Variants in VIT observed in about 807,000 individuals in gnomAD.
VIT encodes the protein vitrin.
Under a neutral mutation model 78.0 loss-of-function variants are expected in VIT, and 99 were observed. That is an observed-to-expected ratio of 1.27 (90% CI 1.08 to 1.50). The LOEUF (loss-of-function observed/expected upper bound fraction) is 1.50. Among genes scored for constraint, VIT ranks in the 40% most tolerant of loss-of-function variants. The pLI is 0.00. For missense variants in VIT, 1,126 were observed against 875.3 expected (o/e 1.29, Z -3.61); for synonymous variants, 374 against 334.3 (o/e 1.12, Z -1.29).
intron 3 of VIT, among the ~76,000 whole-genome samples, chr2:36,737,299 G>C (rs1042715838): frequency 3.3e-5 from 5 of 152,162 alleles, no homozygotes; most frequent in African/African-American, 9.7e-5. Flanking sequence ...GAGGAGTCAC[G>C]GAAATGCAGC....
intron 11 of VIT, among the ~76,000 whole-genome samples, chr2:36,786,857 C>G (rs546253603): frequency 1.3e-5 from 2 of 152,332 alleles, no homozygotes; most frequent in South Asian, 4.1e-4. Flanking sequence ...CCTAGCTTGG[C>G]TAGGACGTCG....
chr2:36,793,717 G>GA (rs1490807248), intron 12 of VIT, among the ~76,000 whole-genome samples: 5 of 82,062 alleles, frequency 6.1e-5, no homozygotes, highest in Non-Finnish European at 1.4e-4. Flanking sequence ...GCTTGTTTGA[G>GA]AAAATAGAAA....
At chr2:36,710,110 T>C (rs933123506) in intron 1 of VIT, among the ~76,000 whole-genome samples, 1 of 152,228 alleles carries the variant, frequency 6.6e-6, no homozygotes, top group Non-Finnish European at 1.5e-5. Context: ...GCAGACTCTA[T>C]CTGGTTTATG....
Position 36,700,719 on chromosome 2 carries a change from C to G in VIT, c.-19+3746C>G, listed in dbSNP as rs10176102. 8.7e-3 allele frequency among the ~76,000 whole-genome samples: 1,313 copies of G among 150,304 alleles called. 24 individuals are homozygous for G. Among genetic ancestry groups the G allele is most frequent in the African/African-American group, 0.029 (1,163 of 40,746 alleles). ...ATCATGCACTCCAGCCTGGGTGACA[C>G]AGCAAGACCCTATCTCAATTAAATA... On this transcript the variant is annotated intron_variant, in intron 1 of 15. Coordinates refer to ENST00000379242, the MANE Select transcript of VIT (RefSeq NM_053276.4).
At position 36,767,152 on chromosome 2, in the gene VIT, C is replaced by T; in HGVS notation, c.546C>T (p.Val182=). The part of the protein sequence containing the change: ...PPIPGTTAQP[V]TLMQLLAVTV... ...TTCCAGGGACAACTGCACAGCCGGT[C>T]ACTCTGATGCAGCTTCTGGCTGTCA... The change falls in exon 7 of 16, where the codon GTC becomes GTT. Residue 182 remains valine, a synonymous_variant. Coordinates refer to ENST00000379242, the MANE Select transcript of VIT (RefSeq NM_053276.4). The T allele has an allele frequency of 6.2e-7, 1 of 1,609,674 alleles. No homozygotes were observed. The highest frequency in any genetic ancestry group is 1.1e-5 in the South Asian group (1 of 89,968).
chr2:36,747,334 G>T (rs1024061544), intron 4 of VIT, among the ~76,000 whole-genome samples: 1 of 152,136 alleles, frequency 6.6e-6, no homozygotes, highest in Non-Finnish European at 1.5e-5. Flanking sequence ...AATGTTGAGT[G>T]TAAGTCCAGA....
At chr2:36,723,489 T>C (rs1666640192) in intron 2 of VIT, among the ~76,000 whole-genome samples, 3 of 152,242 alleles carry the variant, frequency 2.0e-5, no homozygotes, top group Non-Finnish European at 4.4e-5. Flanking sequence ...TTATGTTCCA[T>C]ATTTACTAGC....
At chr2:36,776,760 A>T (rs1352183681) in intron 9 of VIT, among the ~76,000 whole-genome samples, 2 of 151,490 alleles carry the variant, frequency 1.3e-5, no homozygotes, top group Admixed American at 6.6e-5. Context: ...GCGCCACTGC[A>T]CTCCAACCTA....
chr2:36,734,832 T>TG (rs1034567052), intron 3 of VIT, among the ~76,000 whole-genome samples: 14 of 152,152 alleles, frequency 9.2e-5, no homozygotes, highest in Middle Eastern at 3.4e-3. Flanking sequence ...GCACCACTGG[T>TG]GGGGGGGCCC....
chr2:36,793,907 T>C (rs1303858665), intron 12 of VIT, among the ~76,000 whole-genome samples: 3 of 152,174 alleles, frequency 2.0e-5, no homozygotes, highest in African/African-American at 7.2e-5. Context: ...AATCCAGAGC[T>C]TTACAAACTT....
chr2:36,803,397 C>CCACT (rs1475367813), intron 13 of VIT, among the ~76,000 whole-genome samples: 1 of 152,110 alleles, frequency 6.6e-6, no homozygotes, highest in African/African-American at 2.4e-5. Flanking sequence ...TTTTCAAGAC[C>CCACT]CACTGGAAGG....
chr2:36,710,962 G>C (rs1665765035), intron 1 of VIT, among the ~76,000 whole-genome samples: 1 of 152,146 alleles, frequency 6.6e-6, no homozygotes, highest in South Asian at 2.1e-4. Context: ...AATATATTTA[G>C]CTTTTTAACT....
At chr2:36,802,706 CT>C (rs1666418808) in intron 13 of VIT, among the ~76,000 whole-genome samples, 1 of 152,208 alleles carries the variant, frequency 6.6e-6, no homozygotes, top group Non-Finnish European at 1.5e-5. Context: ...ACTCTCGTTC[CT>C]TGACGAGGTT....
intron 3 of VIT, among the ~76,000 whole-genome samples, chr2:36,739,876 G>A (rs978386626): frequency 4.6e-5 from 7 of 152,116 alleles, no homozygotes; most frequent in African/African-American, 1.7e-4. Flanking sequence ...CCTCACGGAC[G>A]CTAGCAACTG....
chr2:36,733,235 C>T (rs574252352), intron 3 of VIT, among the ~76,000 whole-genome samples: 22 of 152,342 alleles, frequency 1.4e-4, no homozygotes, highest in East Asian at 1.9e-4. Flanking sequence ...CTGTAACTCC[C>T]TCCAGCTCCC....
At chr2:36,814,106 G>T in intron 15 of VIT, 77 bp from the exon 16 acceptor site, 3 of 1,541,286 alleles carry the variant, frequency 1.9e-6, no homozygotes, top group Non-Finnish European at 2.6e-6. Context: ...TGTGCCAACA[G>T]GGCCACAAGA....
chr2:36,703,037 C>G (rs565554326), intron 1 of VIT, among the ~76,000 whole-genome samples: 2 of 152,146 alleles, frequency 1.3e-5, no homozygotes, highest in Admixed American at 1.3e-4. Context: ...GCCACAAGCT[C>G]TTCCCCTCTC....
At chr2:36,749,444 T>C (rs1478376841) in intron 4 of VIT, among the ~76,000 whole-genome samples, 1 of 152,200 alleles carries the variant, frequency 6.6e-6, no homozygotes, top group Non-Finnish European at 1.5e-5. Flanking sequence ...AAGTTTATGG[T>C]CAAAACATAG....
At chr2:36,698,406 A>T (rs1407586697) in intron 1 of VIT, among the ~76,000 whole-genome samples, 1 of 152,238 alleles carries the variant, frequency 6.6e-6, no homozygotes, top group East Asian at 1.9e-4. Flanking sequence ...TTCCTATAAG[A>T]CACATTGAAT....
Sources: gnomAD v4.1 joint callset for allele counts (sites outside exome capture counted in the v4.1 genomes callset) on GRCh38, gnomAD v4.1.1 for gene constraint, MANE v1.5 for transcripts, NCBI Gene and HGNC (gene_info 2026-07-23, HGNC 2026-07-21) for gene names.